The following CDH12 variants were observed in gnomAD, a reference collection of about 807,000 sequenced individuals.
The protein encoded by CDH12 is cadherin 12, also known as cadherin-12.
A neutral mutation model predicts 74.1 loss-of-function variants in CDH12; 41 were observed. That is an observed-to-expected ratio of 0.55 (90% CI 0.43 to 0.72). The LOEUF is 0.72. Among genes scored for constraint, CDH12 ranks in the 30% least tolerant of loss-of-function variants. CDH12 has a pLI of 0.00. For missense variants in CDH12, 945 were observed against 977.2 expected (o/e 0.97, Z 0.44); for synonymous variants, 399 against 355.0 (o/e 1.12, Z -1.39).
intron 4 of CDH12, among the ~76,000 whole-genome samples, chr5:22,092,607 G>A (rs989781628): frequency 6.6e-6 from 1 of 152,100 alleles, no homozygotes; most frequent in African/African-American, 2.4e-5. Context: ...AATGTTGAAG[G>A]AGGATGTGAA....
intron 1 of CDH12, among the ~76,000 whole-genome samples, chr5:22,666,872 T>C (rs905343892): frequency 9.9e-5 from 15 of 152,216 alleles, no homozygotes; most frequent in Non-Finnish European, 2.1e-4. Flanking sequence ...TGGTTTTCTC[T>C]AGTTCTTAAA....
At chr5:22,191,768 T>G (rs879012007) in intron 4 of CDH12, among the ~76,000 whole-genome samples, 1 of 151,318 alleles carries the variant, frequency 6.6e-6, no homozygotes, top group African/African-American at 2.4e-5. Context: ...GTTTCACCGT[T>G]TTAGCCGGGA....
intron 1 of CDH12, among the ~76,000 whole-genome samples, chr5:22,709,837 T>C (rs774155435): frequency 4.6e-5 from 7 of 152,190 alleles, no homozygotes; most frequent in Admixed American, 1.3e-4. Context: ...TCTGTGTCTA[T>C]GATTGGAATT....
intron 8 of CDH12, among the ~76,000 whole-genome samples, chr5:21,831,018 G>T (rs548714363): frequency 6.6e-6 from 1 of 151,120 alleles, no homozygotes; most frequent in Non-Finnish European, 1.5e-5. Context: ...AAGCCGGGGC[G>T]ACAGAGAAAG....
chr5:21,932,723 AC>A (rs1180674185), intron 6 of CDH12, among the ~76,000 whole-genome samples: 1 of 151,756 alleles, frequency 6.6e-6, no homozygotes, highest in Non-Finnish European at 1.5e-5. Context: ...ACATGACAAA[AC>A]CCCATCTGTA....
chr5:22,199,258 A>G (rs1355012503), intron 4 of CDH12, among the ~76,000 whole-genome samples: 1 of 152,286 alleles, frequency 6.6e-6, no homozygotes, highest in East Asian at 1.9e-4. Flanking sequence ...AACAAAACCA[A>G]AGACAACGAA....
intron 10 of CDH12, among the ~76,000 whole-genome samples, chr5:21,789,882 A>T (rs984559403): frequency 6.6e-6 from 1 of 152,108 alleles, no homozygotes; most frequent in African/African-American, 2.4e-5. Context: ...TGTGTTGCCA[A>T]GGACCTGGGA....
chr5:22,153,922 A>C (rs1747819915), intron 4 of CDH12, among the ~76,000 whole-genome samples: 1 of 145,572 alleles, frequency 6.9e-6, no homozygotes, highest in Non-Finnish European at 1.5e-5. Flanking sequence ...ATACACACAC[A>C]CACACAAACA....
At chr5:22,393,672 G>T (rs1742340562) in intron 3 of CDH12, among the ~76,000 whole-genome samples, 1 of 152,140 alleles carries the variant, frequency 6.6e-6, no homozygotes, top group Non-Finnish European at 1.5e-5. Flanking sequence ...TGAATGTCAG[G>T]TTAATTCTGA....
At chr5:22,102,351 T>C (rs929779876) in intron 4 of CDH12, among the ~76,000 whole-genome samples, 2 of 152,026 alleles carry the variant, frequency 1.3e-5, no homozygotes, top group East Asian at 3.9e-4. Flanking sequence ...TTTGAATGTG[T>C]CCTCCAAAAA....
At chr5:22,770,108 C>A (rs955929543) in intron 1 of CDH12, among the ~76,000 whole-genome samples, 1 of 150,952 alleles carries the variant, frequency 6.6e-6, no homozygotes, top group Non-Finnish European at 1.5e-5. Flanking sequence ...TTCACATGTC[C>A]CCAGGCGTGA....
chr5:22,170,385 A>G (rs1467219142), intron 4 of CDH12, among the ~76,000 whole-genome samples: 4 of 151,800 alleles, frequency 2.6e-5, no homozygotes, highest in Non-Finnish European at 5.9e-5. Context: ...TTTCCTGAAT[A>G]CTTTTAAGGC....
intron 2 of CDH12, among the ~76,000 whole-genome samples, chr5:22,485,935 G>A (rs1216437413): frequency 6.6e-6 from 1 of 152,168 alleles, no homozygotes; most frequent in African/African-American, 2.4e-5. Flanking sequence ...GGGGCAATAG[G>A]GTTAAAGCAT....
intron 3 of CDH12, among the ~76,000 whole-genome samples, chr5:22,345,842 G>C (rs962233470): frequency 2.0e-5 from 3 of 152,184 alleles, no homozygotes; most frequent in African/African-American, 7.2e-5. Flanking sequence ...AGTGGCTCAT[G>C]CCTGTAATCC....
intron 2 of CDH12, among the ~76,000 whole-genome samples, chr5:22,472,189 AT>A (rs1745987365): frequency 6.6e-6 from 1 of 152,064 alleles, no homozygotes; most frequent in Admixed American, 6.6e-5. Context: ...AAAAATTCTT[AT>A]TAAGTCAGAG....
chr5:22,416,735 G>A (rs1016764133), intron 2 of CDH12, among the ~76,000 whole-genome samples: 1 of 152,174 alleles, frequency 6.6e-6, no homozygotes, highest in Non-Finnish European at 1.5e-5. Flanking sequence ...GGAATTGTAA[G>A]TGTGGTTTTT....
At chr5:22,304,303 A>G (rs1738013748) in intron 3 of CDH12, among the ~76,000 whole-genome samples, 1 of 152,172 alleles carries the variant, frequency 6.6e-6, no homozygotes, top group Non-Finnish European at 1.5e-5. Context: ...GTTTCACTAG[A>G]TATGAGACAA....
chr5:22,565,970 T>C (rs1480650449), intron 1 of CDH12, among the ~76,000 whole-genome samples: 1 of 152,160 alleles, frequency 6.6e-6, no homozygotes, highest in African/African-American at 2.4e-5. Flanking sequence ...CAAGCAACCA[T>C]GGAAGCCGAT....
In CDH12 at chr5:22,142,859, A is replaced by G. The variant is rs1242091572; in HGVS notation, c.-186-63997T>C. On this transcript the variant is annotated intron_variant, in intron 4 of 14. Coordinates refer to ENST00000382254, the MANE Select transcript of CDH12 (RefSeq NM_004061.5). ...AAACTTTCTTCTTCCTTCAGCACTC[A>G]GCTGTATGCTGGGAAGAGTCTACCA... 1.6e-5 allele frequency: 4 copies of G among 250,494 alleles called. No individual in the cohort carries two copies. In the South Asian group the frequency reaches 2.7e-4, roughly 17 times the overall value. 15.5% of individuals were successfully genotyped at this position (250,494 alleles called of 1,614,324 possible).
Sources: gnomAD v4.1 joint callset for allele counts (sites outside exome capture counted in the v4.1 genomes callset) on GRCh38, gnomAD v4.1.1 for gene constraint, MANE v1.5 for transcripts, NCBI Gene and HGNC (gene_info 2026-07-23, HGNC 2026-07-21) for gene names.